The following ATXN7L1 variants were observed in gnomAD, a reference collection of about 807,000 sequenced individuals.
The protein encoded by ATXN7L1 is ataxin-7-like protein 1.
A neutral mutation model predicts 70.8 loss-of-function variants in ATXN7L1; 15 were observed. That is an observed-to-expected ratio of 0.21 (90% confidence interval 0.14 to 0.33). The LOEUF (loss-of-function observed/expected upper bound fraction) is 0.33. Ranked by LOEUF, ATXN7L1 falls within the 10% of genes least tolerant of loss-of-function variation. The pLI is 1.00. For synonymous variants in ATXN7L1, 440 were observed against 445.1 expected, an observed-to-expected ratio of 0.99 and a Z score of 0.14; for missense variants, 975 against 1,097.1, an observed-to-expected ratio of 0.89 and a Z score of 1.57.
chr7:105,742,771 G>A (rs900677360), intron 3 of ATXN7L1, among the ~76,000 whole-genome samples: 2 of 152,090 alleles, frequency 1.3e-5, no homozygotes, highest in Non-Finnish European at 2.9e-5. Flanking sequence ...ATACTTCCAG[G>A]GAAGCTATTT....
intron 7 of ATXN7L1, among the ~76,000 whole-genome samples, chr7:105,626,717 G>C (rs1795745455): frequency 6.6e-6 from 1 of 151,974 alleles, no homozygotes; most frequent in Non-Finnish European, 1.5e-5. Context: ...GCTTACCGCT[G>C]AAGACCCAAA....
chr7:105,706,256 CTA>C (rs570462257), intron 3 of ATXN7L1, among the ~76,000 whole-genome samples: 25 of 150,058 alleles, frequency 1.7e-4, no homozygotes, highest in Admixed American at 1.1e-3. Context: ...TGCAGTGGCA[CTA>C]TCTCAGCCCA....
At chr7:105,638,065 C>G (rs1230416723) in intron 7 of ATXN7L1, among the ~76,000 whole-genome samples, 1 of 152,210 alleles carries the variant, frequency 6.6e-6, no homozygotes, top group Non-Finnish European at 1.5e-5. Context: ...AAAACACACA[C>G]TGTCTGATAT....
At chr7:105,717,548 G>A (rs1794716032) in intron 3 of ATXN7L1, among the ~76,000 whole-genome samples, 2 of 152,170 alleles carry the variant, frequency 1.3e-5, no homozygotes, top group South Asian at 4.1e-4. Context: ...TTAAAGGCAT[G>A]CTTGTACGCA....
At chr7:105,639,229 A>G (rs1473102808) in intron 6 of ATXN7L1, among the ~76,000 whole-genome samples, 1 of 151,674 alleles carries the variant, frequency 6.6e-6, no homozygotes. Context: ...GTGCCTATAA[A>G]TACAATTTAC....
chr7:105,649,173 A>G (rs1799505591), intron 4 of ATXN7L1, among the ~76,000 whole-genome samples: 1 of 152,204 alleles, frequency 6.6e-6, no homozygotes, highest in Admixed American at 6.5e-5. Context: ...AGTGTTTGAA[A>G]GGGAAAGATG....
chr7:105,610,666 G>A, intron 10 of ATXN7L1, 63 bp from the exon 11 acceptor site: 2 of 1,391,852 alleles, frequency 1.4e-6, no homozygotes, highest in Non-Finnish European at 2.0e-6. Flanking sequence ...GCCCGCCGAT[G>A]CCACATGTTC....
chr7:105,648,129 C>G (rs1037805837), intron 4 of ATXN7L1, among the ~76,000 whole-genome samples: 1 of 152,198 alleles, frequency 6.6e-6, no homozygotes, highest in African/African-American at 2.4e-5. Flanking sequence ...GTGAACACCT[C>G]TGATGTGAGG....
intron 3 of ATXN7L1, among the ~76,000 whole-genome samples, chr7:105,704,656 C>A (rs1462115808): frequency 1.5e-5 from 2 of 132,128 alleles, no homozygotes; most frequent in African/African-American, 2.9e-5. Flanking sequence ...TGCAGTGGTA[C>A]GATCTGAGCT....
chr7:105,652,364 T>C (rs548390306), intron 4 of ATXN7L1, among the ~76,000 whole-genome samples: 1 of 152,282 alleles, frequency 6.6e-6, no homozygotes, highest in African/African-American at 2.4e-5. Flanking sequence ...AAGGAAATGG[T>C]ATCAGAGCCT....
chr7:105,857,156 C>T (rs1273447897), intron 2 of ATXN7L1, among the ~76,000 whole-genome samples: 2 of 152,106 alleles, frequency 1.3e-5, no homozygotes, highest in African/African-American at 4.8e-5. Context: ...TGCCTCTGCA[C>T]GAGGTGTCCA....
rs188646955 is a variant in ATXN7L1, at chr7:105,642,695, G to A, written c.862+143C>T. The A allele has an allele frequency of 2.0e-5, 21 of 1,050,532 alleles. No individual in the cohort carries two copies. In the East Asian group the frequency reaches 4.5e-4, roughly 22 times the overall value. 65.1% of individuals were successfully genotyped at this position (1,050,532 alleles called of 1,614,324 possible). ...GGTTTTCCCTTGCATTTTTAGGTGG[G>A]GTTCCTGTTTGCAGGTAAACTCTGC... On this transcript the variant is annotated intron_variant, in intron 5 of 11. Transcript: ENST00000419735.
At chr7:105,686,171 G>A (rs1806165561) in intron 3 of ATXN7L1, among the ~76,000 whole-genome samples, 2 of 152,136 alleles carry the variant, frequency 1.3e-5, no homozygotes, top group Non-Finnish European at 2.9e-5. Flanking sequence ...GACTTACAAT[G>A]GGATTATATC....
intron 2 of ATXN7L1, among the ~76,000 whole-genome samples, chr7:105,859,543 C>T (rs1328184451): frequency 6.6e-6 from 1 of 152,040 alleles, no homozygotes; most frequent in Non-Finnish European, 1.5e-5. Context: ...TGTTTAGAGA[C>T]ACAAATGCTT....
chr7:105,649,523 T>C (rs544973752), intron 4 of ATXN7L1: 2 of 987,878 alleles, frequency 2.0e-6, no homozygotes, highest in African/African-American at 1.7e-5. Flanking sequence ...CATGGTTCTC[T>C]TGGCATCAAG....
intron 4 of ATXN7L1, among the ~76,000 whole-genome samples, chr7:105,651,548 G>A (rs1799842891): frequency 6.6e-6 from 1 of 152,236 alleles, no homozygotes; most frequent in African/African-American, 2.4e-5. Flanking sequence ...GAGGGTGGGA[G>A]CAGCAGCCTT....
intron 3 of ATXN7L1, among the ~76,000 whole-genome samples, chr7:105,740,877 G>A (rs967302653): frequency 6.7e-6 from 1 of 150,162 alleles, no homozygotes; most frequent in East Asian, 2.0e-4. Flanking sequence ...CCATTCTCCT[G>A]CCTCAGCCTC....
intron 2 of ATXN7L1, among the ~76,000 whole-genome samples, chr7:105,793,427 T>G (rs1805533735): frequency 6.6e-6 from 1 of 152,176 alleles, no homozygotes; most frequent in African/African-American, 2.4e-5. Context: ...CCTCTCTTAT[T>G]TTTAAAAGTT....
chr7:105,672,592 T>A (rs2116113238), intron 3 of ATXN7L1, among the ~76,000 whole-genome samples: 1 of 152,318 alleles, frequency 6.6e-6, no homozygotes, highest in African/African-American at 2.4e-5. Flanking sequence ...AGAGATACAA[T>A]GAGTTGCTTA....
Sources: gnomAD v4.1 joint callset for allele counts (sites outside exome capture counted in the v4.1 genomes callset) on GRCh38, gnomAD v4.1.1 for gene constraint, MANE v1.5 for transcripts, NCBI Gene and HGNC (gene_info 2026-07-23, HGNC 2026-07-21) for gene names.